The following OSBPL10 variants were observed in gnomAD, a reference collection of about 807,000 sequenced individuals.
OSBPL10 encodes oxysterol-binding protein-related protein 10.
In OSBPL10, 49 loss-of-function variants were observed where a neutral mutation model predicts 81.7. The observed-to-expected ratio is 0.60, with a 90% CI of 0.48 to 0.76. The LOEUF (loss-of-function observed/expected upper bound fraction) is 0.76. Among genes scored for constraint, OSBPL10 ranks in the 30% least tolerant of loss-of-function variants. OSBPL10 has a pLI of 0.00. For missense variants in OSBPL10, 923 were observed against 987.8 expected (o/e 0.93, Z 0.88); for synonymous variants, 419 against 383.6 (o/e 1.09, Z -1.08).
chr3:31,670,101 G>A (rs1213638527), intron 9 of OSBPL10, among the ~76,000 whole-genome samples: 1 of 152,178 alleles, frequency 6.6e-6, no homozygotes, highest in Non-Finnish European at 1.5e-5. Flanking sequence ...CAGTTCTTAC[G>A]AGCTGGTGTG....
At chr3:31,684,221 A>C in intron 7 of OSBPL10, 107 bp from the exon 8 acceptor site, 22 of 1,417,570 alleles carry the variant, frequency 1.6e-5, no homozygotes, top group Non-Finnish European at 1.8e-5. Context: ...TAACATCTCC[A>C]GCCAGGGAGC....
At chr3:31,853,189 G>C (rs756018462) in intron 3 of OSBPL10, among the ~76,000 whole-genome samples, 18 of 152,168 alleles carry the variant, frequency 1.2e-4, no homozygotes, top group Admixed American at 3.9e-4. Context: ...CAGGTAGTCA[G>C]GCATCAGCAA....
intron 1 of OSBPL10, among the ~76,000 whole-genome samples, chr3:31,949,881 A>G (rs879555711): frequency 6.6e-6 from 1 of 152,114 alleles, no homozygotes; most frequent in Non-Finnish European, 1.5e-5. Flanking sequence ...GGTCCCACCT[A>G]TGGACTGACT....
At chr3:31,880,083 G>T (rs1198255947) in intron 1 of OSBPL10, among the ~76,000 whole-genome samples, 3 of 152,224 alleles carry the variant, frequency 2.0e-5, no homozygotes, top group Non-Finnish European at 4.4e-5. Flanking sequence ...TTGGTGCCAT[G>T]CCCACACTTC....
intron 1 of OSBPL10, among the ~76,000 whole-genome samples, chr3:31,945,393 CAA>C (rs1448911031): frequency 6.6e-6 from 1 of 152,140 alleles, no homozygotes; most frequent in Non-Finnish European, 1.5e-5. Flanking sequence ...AGCCTCAAAA[CAA>C]AAGTCAGTCA....
intron 1 of OSBPL10, among the ~76,000 whole-genome samples, chr3:31,951,530 T>C (rs1697869189): frequency 6.6e-6 from 1 of 151,946 alleles, no homozygotes; most frequent in African/African-American, 2.4e-5. Flanking sequence ...ATATTATCCT[T>C]CCTAGAGTGA....
intron 1 of OSBPL10, among the ~76,000 whole-genome samples, chr3:31,939,855 C>A (rs2125736679): frequency 6.6e-6 from 1 of 152,246 alleles, no homozygotes; most frequent in East Asian, 1.9e-4. Flanking sequence ...CCTGCCTCAG[C>A]CTCCTGTAGC....
At position 31,989,735 on chromosome 3, in the gene OSBPL10, T is replaced by C; in HGVS notation, n.298+56756A>G. On this transcript the variant is annotated intron_variant and non_coding_transcript_variant, in intron 2 of 3. Coordinates refer to the OSBPL10 transcript ENST00000479173. ...TTCTTCCATTCATCATTACTCACACTAAAACAGGAAGTACACATAAGAGAA... is the reference window on the plus strand; with the variant it reads ...TTCTTCCATTCATCATTACTCACACCAAAACAGGAAGTACACATAAGAGAA... 5 of 1,614,146 alleles carry C rather than the reference T, an allele frequency of 3.1e-6. No homozygotes were observed. The South Asian group carries it at 3.3e-5, about 11-fold the overall frequency.
intron 4 of OSBPL10, among the ~76,000 whole-genome samples, chr3:31,825,548 A>T (rs762286363): frequency 1.3e-5 from 2 of 151,950 alleles, no homozygotes; most frequent in African/African-American, 4.8e-5. Flanking sequence ...GAACTCCTGG[A>T]CTCAAGCAAT....
intron 7 of OSBPL10, among the ~76,000 whole-genome samples, chr3:31,692,971 T>C (rs1695599680): frequency 6.6e-6 from 1 of 152,246 alleles, no homozygotes; most frequent in Admixed American, 6.5e-5. Flanking sequence ...GGAGATCGCA[T>C]AACTGTGTCG....
At chr3:31,788,647 G>A (rs1698922386) in intron 4 of OSBPL10, among the ~76,000 whole-genome samples, 2 of 152,110 alleles carry the variant, frequency 1.3e-5, no homozygotes, top group African/African-American at 2.4e-5. Context: ...GTGTGGTGGT[G>A]TACACCTGTA....
intron 4 of OSBPL10, among the ~76,000 whole-genome samples, chr3:31,823,503 A>G: frequency 6.6e-6 from 1 of 152,216 alleles, no homozygotes; most frequent in East Asian, 1.9e-4. Flanking sequence ...CACAAATGGG[A>G]GACACATACA....
chr3:32,071,637 A>G (rs1699829638), intron 1 of OSBPL10, among the ~76,000 whole-genome samples: 4 of 152,220 alleles, frequency 2.6e-5, no homozygotes, highest in Admixed American at 2.6e-4. Flanking sequence ...AGAGGCCCTC[A>G]AAATCACAAA....
chr3:31,943,567 G>C (rs1255354534), intron 1 of OSBPL10, among the ~76,000 whole-genome samples: 6 of 152,084 alleles, frequency 3.9e-5, no homozygotes, highest in Non-Finnish European at 7.3e-5. Flanking sequence ...AAATCTTACT[G>C]TCTAGTTATA....
intron 4 of OSBPL10, among the ~76,000 whole-genome samples, chr3:31,808,603 C>G (rs548431547): frequency 6.6e-6 from 1 of 151,966 alleles, no homozygotes; most frequent in Non-Finnish European, 1.5e-5. Context: ...AGAGAGGGTT[C>G]TGAAAAAAGC....
intron 1 of OSBPL10, among the ~76,000 whole-genome samples, chr3:31,911,848 A>G (rs1696589772): frequency 6.6e-6 from 1 of 152,256 alleles, no homozygotes; most frequent in East Asian, 1.9e-4. Flanking sequence ...AAAGAGGTCA[A>G]CTTGGGTTGG....
intron 1 of OSBPL10, among the ~76,000 whole-genome samples, chr3:31,943,501 AAAAT>A (rs1697595193): frequency 6.6e-6 from 1 of 152,230 alleles, no homozygotes; most frequent in Non-Finnish European, 1.5e-5. Flanking sequence ...GGAAATCTGG[AAAAT>A]AATTACACCA....
intron 4 of OSBPL10, among the ~76,000 whole-genome samples, chr3:31,802,070 G>C (rs1325844203): frequency 6.6e-6 from 1 of 151,160 alleles, no homozygotes; most frequent in African/African-American, 2.4e-5. Context: ...TGATCCGTCC[G>C]CCTCGGCCTC....
intron 4 of OSBPL10, among the ~76,000 whole-genome samples, chr3:31,766,329 G>GTTTTTTT (rs148986285): frequency 3.5e-4 from 8 of 22,576 alleles, no homozygotes; most frequent in African/African-American, 6.2e-4. Flanking sequence ...TAGTTTTTTT[G>GTTTTTTT]TTTTTTTGTT....
Sources: gnomAD v4.1 joint callset for allele counts (sites outside exome capture counted in the v4.1 genomes callset) on GRCh38, gnomAD v4.1.1 for gene constraint, MANE v1.5 for transcripts, NCBI Gene and HGNC (gene_info 2026-07-23, HGNC 2026-07-21) for gene names.